MCM4: variants seen among roughly 807,000 people sequenced by gnomAD.
MCM4 encodes DNA replication licensing factor MCM4.
Under a neutral mutation model 88.7 loss-of-function variants are expected in MCM4, and 60 were observed. That is an observed-to-expected ratio of 0.68 (90% CI 0.55 to 0.84). MCM4 has a LOEUF of 0.84. Ranked by LOEUF, MCM4 falls within the 40% of genes least tolerant of loss-of-function variation. MCM4 has a pLI of 0.00. For missense variants in MCM4, 1,149 were observed against 1,105.5 expected (o/e 1.04, Z -0.56); for synonymous variants, 465 against 410.5 (o/e 1.13, Z -1.61).
chr8:47,961,803 A>G, intron 3 of MCM4, 123 bp downstream of exon 3: 1 of 1,284,538 alleles, frequency 7.8e-7, no homozygotes, highest in South Asian at 1.5e-5. Context: ...CACGTGACTG[A>G]GCATGTTCTT....
chr8:47,967,443 C>T lies in MCM4; in HGVS notation c.1132C>T (p.Leu378Phe). The T allele has an allele frequency of 6.2e-7, 1 of 1,614,180 alleles. No homozygotes were observed. Among genetic ancestry groups the T allele is most frequent in the South Asian group, 1.1e-5 (1 of 91,078 alleles). The change falls in exon 10 of 17, where the codon CTC becomes TTC. Residue 378 changes from leucine (L) to phenylalanine (F), a missense_variant. Physicochemically the swap from Leu to Phe is conservative, Grantham distance 22 (BLOSUM62 0). Transcript: ENST00000649973. ...HTVILFAHND[L>F]VDKVQPGDRV... ...AGTTATCCTGTTTGCTCACAATGATCTCGTTGACAAGGTCCAGCCTGGGGA... is the reference window on the plus strand; with the variant it reads ...AGTTATCCTGTTTGCTCACAATGATTTCGTTGACAAGGTCCAGCCTGGGGA...
intron 10 of MCM4, 24 bp from the exon 11 acceptor site, chr8:47,969,774 T>G (rs772799186): frequency 8.7e-6 from 14 of 1,612,178 alleles, no homozygotes; most frequent in Admixed American, 8.3e-5. Context: ...AAGGTAAAAG[T>G]GCATCTCCTG....
In MCM4 at chr8:47,969,929, G is replaced by A. The variant is rs1216756447; in HGVS notation, c.1306G>A (p.Ala436Thr). The A allele has an allele frequency of 8.1e-6, 13 of 1,614,096 alleles. No individual in the cohort carries two copies. Among genetic ancestry groups the A allele is most frequent in the Middle Eastern group, 3.3e-4 (2 of 6,084 alleles). Residue 436 changes from alanine to threonine, a missense_variant, in exon 11 of 17, where the codon GCA (alanine) becomes ACA (threonine). Ala to Thr is a moderately conservative substitution (Grantham distance 58). Around this residue, in one of 3 missense-constraint regions of MCM4, gnomAD observed 906 missense variants for 843.0 expected, o/e 1.07. Coordinates refer to ENST00000649973, the MANE Select transcript of MCM4 (RefSeq NM_182746.3). ...ACGTCTGCATGGCCTTGATGAAGAA[G>A]CAGAACAGAAACTTTTTTCAGAGAA... is the stretch of plus-strand genomic sequence containing the variant. ...AKRLHGLDEE[A>T]EQKLFSEKRV... is the part of the protein sequence containing the mutation.
At chr8:47,967,553 G>A in intron 10 of MCM4, 68 bp downstream of exon 10, 1 of 1,597,222 alleles carries the variant, frequency 6.3e-7, no homozygotes, top group South Asian at 1.1e-5. Flanking sequence ...GCTTTAGTGA[G>A]TCATTGGACT....
chr8:47,974,704 C>G (rs908945167), intron 14 of MCM4, 30 bp from the exon 15 acceptor site: 3 of 1,578,656 alleles, frequency 1.9e-6, no homozygotes, highest in African/African-American at 2.7e-5. Flanking sequence ...AGGAGGTTTG[C>G]TTTTGCTTTT....
rs1382021959 is a variant in MCM4 at position 47,974,863 on chromosome 8, A to G, written c.2266A>G (p.Ile756Val). 2 of 1,614,236 alleles carry G rather than the reference A, an allele frequency of 1.2e-6. No individual in the cohort carries two copies. The highest frequency in any genetic ancestry group is 8.5e-7 in the Non-Finnish European group (1 of 1,180,030). ...AAGATTGTCTAACAAAGTTGAAGCC[A>G]TTGATGTGGAAGAGGCCAAACGCCT... ...KVRLSNKVEA[I>V]DVEEAKRLHR... The change falls in exon 15 of 17, where the codon ATT becomes GTT. Residue 756 changes from isoleucine (I) to valine (V), a missense_variant. Physicochemically the swap from Ile to Val is conservative, Grantham distance 29 (BLOSUM62 3). This residue lies in a region of MCM4 where 238 missense variants were observed against 241.6 expected (regional missense o/e 0.99). Transcript: ENST00000649973.
Position 47,966,264 on chromosome 8 carries a change from T to G in MCM4, c.910T>G (p.Phe304Val). The change falls in exon 9 of 17, where the codon TTC (phenylalanine) becomes GTC (valine). Residue 304 changes from phenylalanine (F) to valine (V), a missense_variant. This residue lies in a region of MCM4 where 906 missense variants were observed against 843.0 expected (regional missense o/e 1.07). Transcript: ENST00000649973. ...QLIPEMQEAF[F>V]QCQVCAHTTR... ...GATTCCCGAGATGCAGGAGGCCTTC[T>G]TCCAGTGCCAAGTGTGTGCCCACAC... The G allele has an allele frequency of 6.2e-7, 1 of 1,614,100 alleles. No individual in the cohort carries two copies. The highest frequency in any genetic ancestry group is 1.1e-5 in the South Asian group (1 of 91,068).
intron 12 of MCM4, among the ~76,000 whole-genome samples, chr8:47,971,124 G>A (rs1415016156): frequency 3.9e-5 from 6 of 152,194 alleles, no homozygotes; most frequent in African/African-American, 1.4e-4. Flanking sequence ...TGAGAAAGAT[G>A]TGGTTATAGC....
rs1032005369 is a variant in MCM4 at position 47,961,304 on chromosome 8, G to C, written c.70+90G>C. Reference sequence around the variant, plus strand: ...CTGGCAGCGCTGGGTGGGTGCGCGGGACCCGGGCGCTCAGCCTCGGGCTGG... The same window carrying C: ...CTGGCAGCGCTGGGTGGGTGCGCGGCACCCGGGCGCTCAGCCTCGGGCTGG... On this transcript the variant is annotated intron_variant, in intron 2 of 16. Coordinates refer to ENST00000649973, the MANE Select transcript of MCM4 (RefSeq NM_182746.3). 11 of 1,429,520 alleles carry C rather than the reference G, an allele frequency of 7.7e-6. No individual in the cohort carries two copies. The African/African-American group carries it at 1.3e-4, about 17-fold the overall frequency. The allele number at this position is 1,429,520 out of a possible 1,614,324, so 88.6% of individuals were successfully genotyped here.
Position 47,963,029 on chromosome 8 carries a change from T to C in MCM4, c.682T>C (p.Ser228Pro). 1 of 1,589,396 alleles carries C rather than the reference T, an allele frequency of 6.3e-7. No homozygotes were observed. The highest frequency in any genetic ancestry group is 1.1e-5 in the South Asian group (1 of 87,496). The change falls in exon 7 of 17, where the codon TCT becomes CCT. Residue 228 changes from serine (S) to proline (P), a missense_variant. Physicochemically the swap from Ser to Pro is moderately conservative, Grantham distance 74 (BLOSUM62 -1). Transcript: ENST00000649973. ...CAAAAATTTGTACAGACAACTCATC[T>C]CTTACCCACAGGTAAGAATTTAGCT... Reference protein sequence around the residue: ...FDKNLYRQLISYPQEVIPTFD... With the variant: ...FDKNLYRQLIPYPQEVIPTFD...
At position 47,976,786 on chromosome 8, in the gene MCM4, T is replaced by C; in HGVS notation, c.*8T>C. The C allele has an allele frequency of 6.3e-7, 1 of 1,581,958 alleles. No individual in the cohort carries two copies. The highest frequency in any genetic ancestry group is 8.7e-7 in the Non-Finnish European group (1 of 1,151,004). ...ACCGTGCGCTTGCTCTGAAGCCTTG[T>C]GAGCAAGGAAGGCTCCCTGCATGTC... On this transcript the variant is annotated 3_prime_UTR_variant, in exon 17 of 17. Coordinates refer to ENST00000649973, the MANE Select transcript of MCM4 (RefSeq NM_182746.3).
chr8:47,971,594 G>GT, intron 13 of MCM4, 126 bp downstream of exon 13: 1 of 1,067,224 alleles, frequency 9.4e-7, no homozygotes, highest in Non-Finnish European at 1.3e-6. Context: ...TTCAAATTTG[G>GT]TTGGTCAAGA....
rs751283603 is a variant in MCM4 at position 47,962,892 on chromosome 8, G to A, written c.597+33G>A. On this transcript the variant is annotated intron_variant, in intron 6 of 16. Coordinates refer to ENST00000649973, the MANE Select transcript of MCM4 (RefSeq NM_182746.3). Reference sequence around the variant, plus strand: ...AATACTCTTTAAATTCAAGTTACGTGTTTTAAAATAGTTAAATTAGCAAAA... The same window carrying A: ...AATACTCTTTAAATTCAAGTTACGTATTTTAAAATAGTTAAATTAGCAAAA... 1.1e-5 allele frequency: 18 copies of A among 1,575,462 alleles called. No homozygotes were observed. The South Asian group carries it at 2.0e-4, about 17-fold the overall frequency.
chr8:47,966,322 C>G lies in MCM4; in HGVS notation c.968C>G (p.Ala323Gly). ...TRVEMDRGRI[A>G]EPSVCGRCHT... ...GTGGAGATGGACCGCGGCCGCATTGCAGAGCCCAGTGTGTGCGGGCGCTGC... is the reference window on the plus strand; with the variant it reads ...GTGGAGATGGACCGCGGCCGCATTGGAGAGCCCAGTGTGTGCGGGCGCTGC... The change falls in exon 9 of 17, where the codon GCA becomes GGA. Residue 323 changes from alanine (A) to glycine (G), a missense_variant. Ala to Gly is a moderately conservative substitution (Grantham distance 60, BLOSUM62 0). Coordinates refer to ENST00000649973, the MANE Select transcript of MCM4 (RefSeq NM_182746.3). 1 of 1,614,010 alleles carries G rather than the reference C, an allele frequency of 6.2e-7. No homozygotes were observed. Among genetic ancestry groups the G allele is most frequent in the South Asian group, 1.1e-5 (1 of 91,088 alleles).
rs1412415143 is a variant in MCM4 at position 47,974,762 on chromosome 8, G to C, written c.2165G>C (p.Ser722Thr). The part of the protein sequence containing the change: ...EAYVDMRKIG[S>T]SRGMVSAYPR... ...TATGTAGACATGAGGAAGATTGGCA[G>C]TAGCCGGGGAATGGTTTCTGCATAC... is the stretch of plus-strand genomic sequence containing the variant. Residue 722 changes from serine (S) to threonine (T), a missense_variant, in exon 15 of 17, where the codon AGT becomes ACT. Around this residue, in one of 3 missense-constraint regions of MCM4, gnomAD observed 238 missense variants for 241.6 expected, o/e 0.99. Coordinates refer to ENST00000649973, the MANE Select transcript of MCM4 (RefSeq NM_182746.3). 6.2e-7 allele frequency: 1 copy of C among 1,614,208 alleles called. No homozygotes were observed. The highest frequency in any genetic ancestry group is 2.2e-5 in the East Asian group (1 of 44,894).
Position 47,976,950 on chromosome 8 carries a change from A to AT in MCM4, c.*179dup. The AT allele has an allele frequency of 2.0e-6, 1 of 508,952 alleles. No homozygotes were observed. Among genetic ancestry groups the AT allele is most frequent in the South Asian group, 2.3e-5 (1 of 43,210 alleles). 31.5% of individuals were successfully genotyped at this position (508,952 alleles called of 1,614,324 possible). ...TATTTGTAGTGAAGTATCTGTTTTCATTTTTTTCACGTTATAAATAAAAAT... is the reference window on the plus strand; with the variant it reads ...TATTTGTAGTGAAGTATCTGTTTTCATTTTTTTTCACGTTATAAATAAAAAT... On this transcript the variant is annotated 3_prime_UTR_variant, in exon 17 of 17. Transcript: ENST00000649973.
Position 47,962,824 on chromosome 8 carries a change from A to G in MCM4, c.562A>G (p.Ile188Val), listed in dbSNP as rs2154505022. 1.9e-6 allele frequency: 3 copies of G among 1,609,030 alleles called. No homozygotes were observed. Among genetic ancestry groups the G allele is most frequent in the Non-Finnish European group, 2.5e-6 (3 of 1,178,676 alleles). The change falls in exon 6 of 17, where the codon ATT becomes GTT. Residue 188 changes from isoleucine (I) to valine (V), a missense_variant. Physicochemically the swap from Ile to Val is conservative, Grantham distance 29. This residue lies in a region of MCM4 where 906 missense variants were observed against 843.0 expected (regional missense o/e 1.07). Transcript: ENST00000649973. The stretch of plus-strand genomic sequence containing the variant: ...AGAAGAAGAAAATGTTGGCATAGAT[A>G]TTACTGAACCTCTATACATGCAACG... ...AKEEENVGID[I>V]TEPLYMQRLG...
At chr8:47,974,431 G>A in intron 14 of MCM4, 1 of 322,638 alleles carries the variant, frequency 3.1e-6, no homozygotes, top group Non-Finnish European at 5.9e-6. Context: ...CCTTCCCTCT[G>A]CCACGCCATG....
At chr8:47,963,497 T>C (rs536692511) in intron 7 of MCM4, among the ~76,000 whole-genome samples, 2 of 152,186 alleles carry the variant, frequency 1.3e-5, no homozygotes, top group Admixed American at 1.3e-4. Context: ...AGATGAACAT[T>C]TTTTTTTCAC....
Sources: allele counts gnomAD v4.1 joint callset (sites outside exome capture counted in the v4.1 genomes callset), GRCh38; gene constraint gnomAD v4.1.1; regional missense constraint gnomAD v4.1.1; transcripts MANE v1.5; gene names NCBI Gene and HGNC (gene_info 2026-07-23, HGNC 2026-07-21).